Variants in CRYBG1 observed in about 807,000 individuals in gnomAD.
The protein encoded by CRYBG1 is crystallin beta-gamma domain containing 1.
CRYBG1 carries 139 observed loss-of-function variants against 189.2 expected under a neutral mutation model. The ratio of observed to expected loss-of-function variants is 0.73; its 90% CI spans 0.64 to 0.85. CRYBG1 has a LOEUF of 0.85. Ranked by LOEUF, CRYBG1 falls within the 40% of genes least tolerant of loss-of-function variation. The pLI is 0.00. For synonymous variants in CRYBG1, 1,023 were observed against 1,017.1 expected (o/e 1.01, Z -0.11); for missense variants, 2,611 against 2,675.8 (o/e 0.98, Z 0.53).
intron 8 of CRYBG1, among the ~76,000 whole-genome samples, chr6:106,533,938 G>A (rs1385496242): frequency 1.3e-5 from 2 of 152,222 alleles, no homozygotes; most frequent in African/African-American, 4.8e-5. Flanking sequence ...CCAAAGGGGA[G>A]TGGGTGTAGT....
intron 1 of CRYBG1, among the ~76,000 whole-genome samples, chr6:106,377,875 A>G (rs1310411564): frequency 1.3e-5 from 2 of 152,108 alleles, no homozygotes; most frequent in Non-Finnish European, 2.9e-5. Context: ...AAAGACAAAA[A>G]CAAAAATTTA....
chr6:106,444,835 C>A, intron 1 of CRYBG1, among the ~76,000 whole-genome samples: 1 of 152,266 alleles, frequency 6.6e-6, no homozygotes. Flanking sequence ...TGGCTCCCAG[C>A]CTTCAGGCTG....
intron 2 of CRYBG1, among the ~76,000 whole-genome samples, chr6:106,465,188 G>A (rs542330404): frequency 7.9e-5 from 12 of 152,216 alleles, no homozygotes; most frequent in Middle Eastern, 6.8e-3. Context: ...TTCTCCACGT[G>A]ACCTTTTGCC....
chr6:106,375,421 G>GTAAATAAATAAATAAATAAA (rs534278338), intron 1 of CRYBG1, among the ~76,000 whole-genome samples: 3 of 125,392 alleles, frequency 2.4e-5, no homozygotes, highest in African/African-American at 7.8e-5. Flanking sequence ...AAGTAAGTAA[G>GTAAATAAATAAATAAATAAA]TAAATAAATA....
chr6:106,552,677 A>T (rs1263079597), intron 15 of CRYBG1, among the ~76,000 whole-genome samples: 1 of 151,896 alleles, frequency 6.6e-6, no homozygotes, highest in African/African-American at 2.4e-5. Flanking sequence ...AATTGTATTT[A>T]AAAAATAAGA....
rs1304013909 is a variant in CRYBG1 at position 106,561,586 on chromosome 6, G to C, written c.6138+86G>C. 3 of 1,454,778 alleles carry C rather than the reference G, an allele frequency of 2.1e-6. No homozygotes were observed. In the African/African-American group the frequency reaches 4.3e-5, roughly 21 times the overall value. 90.1% of individuals were successfully genotyped at this position (1,454,778 alleles called of 1,614,324 possible). On this transcript the variant is annotated intron_variant, in intron 20 of 21. Transcript: ENST00000633556. ...CATATGCTTTTGATCTTTTCTTCAA[G>C]TAGATGCAATTTCACAATTCCTGGA...
At chr6:106,374,733 ATAATG>A (rs1562289463) in intron 1 of CRYBG1, among the ~76,000 whole-genome samples, 1 of 152,234 alleles carries the variant, frequency 6.6e-6, no homozygotes, top group Non-Finnish European at 1.5e-5. Context: ...ATTTATATCT[ATAATG>A]TAAAGATATG....
intron 1 of CRYBG1, among the ~76,000 whole-genome samples, chr6:106,418,237 G>C (rs983184794): frequency 6.6e-6 from 1 of 152,208 alleles, no homozygotes; most frequent in Admixed American, 6.5e-5. Context: ...ATAGGGGAAG[G>C]GCAGGCCATA....
At position 106,512,047 on chromosome 6, in the gene CRYBG1, C is replaced by A; in HGVS notation, c.930C>A (p.Gly310=). ...PTQERPAGGL[G]EAPNGAPSVC... ...AGGAGCGGCCCGCGGGAGGACTAGG[C>A]GAGGCCCCTAACGGAGCCCCCAGTG... is the stretch of plus-strand genomic sequence containing the variant. Residue 310 remains glycine (G), a synonymous_variant, in exon 3 of 22, where the codon GGC becomes GGA. Coordinates refer to ENST00000633556, the MANE Select transcript of CRYBG1 (RefSeq NM_001371242.2). 4.6e-6 allele frequency: 7 copies of A among 1,531,948 alleles called. No individual in the cohort carries two copies. Among genetic ancestry groups the A allele is most frequent in the Non-Finnish European group, 6.1e-6 (7 of 1,144,940 alleles). The allele number at this position is 1,531,948 out of a possible 1,614,324, so 94.9% of individuals were successfully genotyped here. A position where few individuals can be genotyped will look rare whatever the true frequency, so the allele number is the denominator to read the frequency against.
At chr6:106,541,850 A>G (rs1461084709) in intron 10 of CRYBG1, among the ~76,000 whole-genome samples, 2 of 152,162 alleles carry the variant, frequency 1.3e-5, no homozygotes, top group Non-Finnish European at 2.9e-5. Context: ...TATCACTAAG[A>G]GTACATTTAG....
At chr6:106,565,968 G>A (rs1774872226) in intron 21 of CRYBG1, among the ~76,000 whole-genome samples, 2 of 152,162 alleles carry the variant, frequency 1.3e-5, no homozygotes, top group South Asian at 4.1e-4. Context: ...CACAATGTTA[G>A]AGAAAGTAGG....
At chr6:106,539,611 T>C (rs1181177258) in intron 9 of CRYBG1, 82 bp downstream of exon 9, 2 of 1,472,358 alleles carry the variant, frequency 1.4e-6, no homozygotes, top group African/African-American at 2.9e-5. Flanking sequence ...TTTGAAGCAA[T>C]AAAGCTGACT....
intron 8 of CRYBG1, among the ~76,000 whole-genome samples, chr6:106,536,353 G>T (rs1774003971): frequency 6.6e-6 from 1 of 152,158 alleles, no homozygotes; most frequent in African/African-American, 2.4e-5. Flanking sequence ...TGGTTAAAGT[G>T]GTGCCTCCTC....
intron 1 of CRYBG1, among the ~76,000 whole-genome samples, chr6:106,362,944 G>T (rs892546929): frequency 1.3e-5 from 2 of 152,020 alleles, no homozygotes; most frequent in Non-Finnish European, 2.9e-5. Flanking sequence ...ATACATTTTA[G>T]TATAAAATTT....
At chr6:106,430,445 T>C (rs1771303242) in intron 1 of CRYBG1, among the ~76,000 whole-genome samples, 1 of 152,206 alleles carries the variant, frequency 6.6e-6, no homozygotes, top group African/African-American at 2.4e-5. Context: ...CACAAGGCTA[T>C]GTGACTTCAG....
chr6:106,566,182 A>AAAAAAAC, intron 21 of CRYBG1, among the ~76,000 whole-genome samples: 1 of 151,356 alleles, frequency 6.6e-6, no homozygotes, highest in Non-Finnish European at 1.5e-5. Flanking sequence ...AAAAAAAAAA[A>AAAAAAAC]AGCCTCCTCC....
chr6:106,517,589 A>G (rs1773470631), intron 3 of CRYBG1, among the ~76,000 whole-genome samples: 1 of 151,896 alleles, frequency 6.6e-6, no homozygotes, highest in Non-Finnish European at 1.5e-5. Context: ...AACAGATACT[A>G]GGAGTGATTC....
intron 15 of CRYBG1, 135 bp from the exon 16 acceptor site, chr6:106,553,320 A>G (rs1676014): frequency 0.02 from 12,526 of 618,318 alleles, 1,076 homozygotes; most frequent in African/African-American, 0.19. Context: ...ATGGAAAATT[A>G]AAGGATTTCT....
chr6:106,488,877 T>A (rs528058830), intron 2 of CRYBG1, among the ~76,000 whole-genome samples: 2 of 152,282 alleles, frequency 1.3e-5, no homozygotes, highest in African/African-American at 4.8e-5. Context: ...TGGAAGGCAG[T>A]GTACACTCCA....
Sources: gnomAD v4.1 joint callset for allele counts (sites outside exome capture counted in the v4.1 genomes callset) on GRCh38, gnomAD v4.1.1 for gene constraint, MANE v1.5 for transcripts, NCBI Gene and HGNC (gene_info 2026-07-23, HGNC 2026-07-21) for gene names.